ZFHX4: variants seen among roughly 807,000 people sequenced by gnomAD.
ZFHX4 encodes zinc finger homeobox 4.
A neutral mutation model predicts 267.6 loss-of-function variants in ZFHX4; 56 were observed. The observed-to-expected ratio is 0.21, with a 90% CI of 0.17 to 0.26. The LOEUF (loss-of-function observed/expected upper bound fraction) is 0.26, where lower values mean the gene tolerates loss of function less well. ZFHX4 is among the 10% of genes least tolerant of loss of function. The pLI, the probability that ZFHX4 is intolerant of heterozygous loss-of-function variation, is 1.00. For missense variants in ZFHX4, 4,332 were observed against 4,420.0 expected, an observed-to-expected ratio of 0.98 and a Z score of 0.56; for synonymous variants, 1,778 against 1,665.6, an observed-to-expected ratio of 1.07 and a Z score of -1.64.
chr8:76,721,338 G>A (rs1402628089), intron 3 of ZFHX4, among the ~76,000 whole-genome samples: 1 of 152,128 alleles, frequency 6.6e-6, no homozygotes, highest in Non-Finnish European at 1.5e-5. Flanking sequence ...ATTTATGACA[G>A]CTTAAATCTA....
intron 4 of ZFHX4, among the ~76,000 whole-genome samples, chr8:76,805,191 T>C (rs1811214809): frequency 6.6e-6 from 1 of 152,144 alleles, no homozygotes; most frequent in Non-Finnish European, 1.5e-5. Context: ...TGACCTTCTA[T>C]GTGCTGTAGC....
At chr8:76,821,092 T>G (rs1811636733) in intron 4 of ZFHX4, among the ~76,000 whole-genome samples, 1 of 152,118 alleles carries the variant, frequency 6.6e-6, no homozygotes, top group Non-Finnish European at 1.5e-5. Context: ...TTGTGATAAT[T>G]TGGCTTTCAC....
chr8:76,785,689 T>C (rs1025987323), intron 4 of ZFHX4, among the ~76,000 whole-genome samples: 1 of 152,166 alleles, frequency 6.6e-6, no homozygotes, highest in Non-Finnish European at 1.5e-5. Context: ...TTATTTGAAA[T>C]ACAAAGACCT....
At chr8:76,744,447 C>G (rs1444699297) in intron 3 of ZFHX4, among the ~76,000 whole-genome samples, 1 of 152,102 alleles carries the variant, frequency 6.6e-6, no homozygotes, top group Non-Finnish European at 1.5e-5. Flanking sequence ...CAGTCTCGCT[C>G]TGTCACCCAG....
chr8:76,749,736 A>G (rs543988765), intron 3 of ZFHX4, among the ~76,000 whole-genome samples: 1 of 152,174 alleles, frequency 6.6e-6, no homozygotes, highest in African/African-American at 2.4e-5. Context: ...ATTTTTACCC[A>G]ATACATGTTG....
intron 4 of ZFHX4, among the ~76,000 whole-genome samples, chr8:76,785,185 T>A (rs888958178): frequency 1.3e-5 from 2 of 152,076 alleles, no homozygotes; most frequent in Non-Finnish European, 2.9e-5. Context: ...TGAAGAAAAT[T>A]GTAATGTTTA....
chr8:76,736,680 C>T (rs548895343), intron 3 of ZFHX4, among the ~76,000 whole-genome samples: 8 of 152,166 alleles, frequency 5.3e-5, no homozygotes, highest in African/African-American at 1.7e-4. Flanking sequence ...GCCATTGAGA[C>T]AAAGGTTTGC....
At chr8:76,806,843 C>T (rs995911801) in intron 4 of ZFHX4, among the ~76,000 whole-genome samples, 2 of 151,962 alleles carry the variant, frequency 1.3e-5, no homozygotes, top group African/African-American at 4.8e-5. Context: ...TTTTTCACCT[C>T]TTTGATGTGA....
At chr8:76,823,572 A>T (rs1424249669) in intron 4 of ZFHX4, among the ~76,000 whole-genome samples, 1 of 152,188 alleles carries the variant, frequency 6.6e-6, no homozygotes, top group Admixed American at 6.5e-5. Flanking sequence ...TTATGTTTGT[A>T]TCAATCACTG....
chr8:76,762,635 GTCACAGT>G (rs898439139), intron 3 of ZFHX4, among the ~76,000 whole-genome samples: 1 of 152,034 alleles, frequency 6.6e-6, no homozygotes, highest in Non-Finnish European at 1.5e-5. Context: ...TACACTACTC[GTCACAGT>G]TCAAATAAAT....
intron 3 of ZFHX4, among the ~76,000 whole-genome samples, chr8:76,715,796 A>G (rs1281513705): frequency 6.6e-6 from 1 of 152,212 alleles, no homozygotes; most frequent in Non-Finnish European, 1.5e-5. Context: ...CATAAATTAA[A>G]TGTGCATACA....
intron 4 of ZFHX4, among the ~76,000 whole-genome samples, chr8:76,817,343 T>G (rs1811532942): frequency 6.6e-6 from 1 of 152,198 alleles, no homozygotes; most frequent in Admixed American, 6.5e-5. Context: ...TTCTTCTCAT[T>G]TGTAGAAATG....
At chr8:76,766,291 G>A (rs1162337611) in intron 3 of ZFHX4, among the ~76,000 whole-genome samples, 2 of 152,044 alleles carry the variant, frequency 1.3e-5, no homozygotes, top group Non-Finnish European at 2.9e-5. Context: ...AGCAAATAGG[G>A]TTTTCTTCCA....
intron 3 of ZFHX4, among the ~76,000 whole-genome samples, chr8:76,743,149 A>C (rs1809365244): frequency 6.6e-6 from 1 of 152,242 alleles, no homozygotes; most frequent in South Asian, 2.1e-4. Flanking sequence ...TGAAAGAATT[A>C]AGAGTAGAGA....
intron 3 of ZFHX4, among the ~76,000 whole-genome samples, chr8:76,744,443 C>T (rs993619586): frequency 1.3e-5 from 2 of 152,080 alleles, no homozygotes; most frequent in Admixed American, 6.6e-5. Context: ...GAGACAGTCT[C>T]GCTCTGTCAC....
chr8:76,681,542 A>G lies in ZFHX4; in HGVS notation c.-125A>G. 2.5e-6 allele frequency: 1 copy of G among 398,094 alleles called. No homozygotes were observed. The highest frequency in any genetic ancestry group is 4.4e-6 in the Non-Finnish European group (1 of 225,910). 24.7% of individuals were successfully genotyped at this position (398,094 alleles called of 1,614,324 possible). ...TAATGAACCCTCTCGTTTTACTTGGATGTGATCAGCTGTAAGTAAAATAAA... is the reference window on the plus strand; with the variant it reads ...TAATGAACCCTCTCGTTTTACTTGGGTGTGATCAGCTGTAAGTAAAATAAA... On this transcript the variant is annotated 5_prime_UTR_variant, in exon 1 of 11. An upstream start codon of the reference 5' UTR is lost. Transcript: ENST00000651372.
At chr8:76,697,797 T>C (rs1244086121) in intron 1 of ZFHX4, among the ~76,000 whole-genome samples, 2 of 152,060 alleles carry the variant, frequency 1.3e-5, no homozygotes, top group Non-Finnish European at 2.9e-5. Context: ...TATGGATTAA[T>C]ATTTTTTTAA....
Position 76,854,904 on chromosome 8 carries a change from G to A in ZFHX4, c.7983G>A (p.Arg2661=), listed in dbSNP as rs746223140. ...TCCAGAATACACGAGCGCGGGAGAG[G>A]AAAGGCCAGTTCCGGGCGGTGGGTC... ...VWFQNTRARE[R]KGQFRAVGPA... Residue 2661 remains arginine (R), a synonymous_variant, in exon 10 of 11, where the codon AGG becomes AGA. Transcript: ENST00000651372. 1.6e-5 allele frequency: 26 copies of A among 1,613,512 alleles called. No individual in the cohort carries two copies. The highest frequency in any genetic ancestry group is 9.9e-5 in the South Asian group (9 of 91,050).
intron 3 of ZFHX4, among the ~76,000 whole-genome samples, chr8:76,734,952 A>G (rs888345072): frequency 6.6e-6 from 1 of 152,162 alleles, no homozygotes; most frequent in Non-Finnish European, 1.5e-5. Flanking sequence ...AGACATACAC[A>G]AAATTGTTTG....
Sources: gnomAD v4.1 joint callset for allele counts (sites outside exome capture counted in the v4.1 genomes callset) on GRCh38, gnomAD v4.1.1 for gene constraint, MANE v1.5 for transcripts, NCBI Gene and HGNC (gene_info 2026-07-23, HGNC 2026-07-21) for gene names.